Variants in PKHD1 observed in about 807,000 individuals in gnomAD.
PKHD1 encodes fibrocystin.
In PKHD1, 291 loss-of-function variants were observed where a neutral mutation model predicts 412.0. The ratio of observed to expected loss-of-function variants is 0.71; its 90% CI spans 0.64 to 0.78. The LOEUF is 0.78. Ranked by LOEUF, PKHD1 falls within the 30% of genes least tolerant of loss-of-function variation. PKHD1 has a pLI of 0.00. For synonymous variants in PKHD1, 1,777 were observed against 1,821.5 expected (o/e 0.98, Z 0.62); for missense variants, 4,825 against 4,950.7 (o/e 0.97, Z 0.76).
intron 18 of PKHD1, 95 bp from the exon 19 acceptor site, chr6:52,055,824 A>C: frequency 1.7e-5 from 22 of 1,322,768 alleles, no homozygotes; most frequent in Non-Finnish European, 2.1e-5. Flanking sequence ...AGAGTATCTC[A>C]CTTAAGAAAA....
intron 63 of PKHD1, among the ~76,000 whole-genome samples, chr6:51,645,429 G>C (rs1240775757): frequency 2.0e-5 from 3 of 152,028 alleles, no homozygotes; most frequent in Non-Finnish European, 4.4e-5. Context: ...GTCTTGCTCT[G>C]TCACCCAGGC....
chr6:51,771,526 G>A (rs11757437), intron 55 of PKHD1, among the ~76,000 whole-genome samples: 6,176 of 151,844 alleles, frequency 0.041, 166 homozygotes, highest in Middle Eastern at 0.075. Flanking sequence ...GGCTGAGACA[G>A]GAAAATCACT....
intron 36 of PKHD1, among the ~76,000 whole-genome samples, chr6:51,947,153 T>G (rs183543384): frequency 6.6e-6 from 1 of 152,200 alleles, no homozygotes; most frequent in African/African-American, 2.4e-5. Context: ...GGCAACCACA[T>G]TGGTGAATCT....
chr6:51,820,915 T>A (rs1384644393), intron 52 of PKHD1, among the ~76,000 whole-genome samples: 1 of 152,190 alleles, frequency 6.6e-6, no homozygotes, highest in Non-Finnish European at 1.5e-5. Flanking sequence ...TATTTAATTT[T>A]ACATTCCAAA....
intron 65 of PKHD1, among the ~76,000 whole-genome samples, chr6:51,630,427 A>C (rs558702957): frequency 1.3e-5 from 2 of 152,186 alleles, no homozygotes; most frequent in African/African-American, 4.8e-5. Context: ...TTTTCACTAC[A>C]TATTTTTTGA....
chr6:51,693,028 T>C (rs1778364928), intron 60 of PKHD1, among the ~76,000 whole-genome samples: 1 of 152,228 alleles, frequency 6.6e-6, no homozygotes, highest in South Asian at 2.1e-4. Flanking sequence ...GTATGTATTG[T>C]TGTTTTTTGC....
chr6:51,950,220 A>AATATATATATATATATATATATATAT (rs1333126139), intron 36 of PKHD1, among the ~76,000 whole-genome samples: 16 of 98,288 alleles, frequency 1.6e-4, no homozygotes, highest in South Asian at 8.3e-4. Flanking sequence ...GAAAAAAAAA[A>AATATATATATATATATATATATATAT]ATATATATAT....
At chr6:51,794,786 C>T (rs1206950417) in intron 52 of PKHD1, among the ~76,000 whole-genome samples, 2 of 152,120 alleles carry the variant, frequency 1.3e-5, no homozygotes, top group Non-Finnish European at 1.5e-5. Flanking sequence ...ATATTCTTCC[C>T]CCACTGCTTG....
At chr6:51,823,434 G>C (rs1766791444) in intron 52 of PKHD1, among the ~76,000 whole-genome samples, 1 of 152,122 alleles carries the variant, frequency 6.6e-6, no homozygotes, top group African/African-American at 2.4e-5. Flanking sequence ...TCTCAGGTGA[G>C]TGAAAACAAG....
At chr6:51,790,849 TTG>T (rs1354246075) in intron 53 of PKHD1, among the ~76,000 whole-genome samples, 4 of 152,210 alleles carry the variant, frequency 2.6e-5, no homozygotes, top group African/African-American at 7.2e-5. Context: ...TGAAATTTTA[TTG>T]TGAGTTAGTT....
intron 36 of PKHD1, among the ~76,000 whole-genome samples, chr6:51,939,561 CAGA>C (rs1282601668): frequency 6.6e-6 from 1 of 151,566 alleles, no homozygotes; most frequent in South Asian, 2.1e-4. Flanking sequence ...TCCAAATAGC[CAGA>C]AAACAGCATT....
Position 51,984,476 on chromosome 6 carries a change from C to T in PKHD1, c.5752-24450G>A, listed in dbSNP as rs116011036. Among the ~76,000 whole-genome samples the T allele has an allele frequency of 5.8e-3, 880 of 152,346 alleles. 12 individuals are homozygous for T. The highest frequency in any genetic ancestry group is 0.02 in the African/African-American group (815 of 41,580). ...ATACCCTGCTCTTGCACAAAATTTA[C>T]ATGTTGTCAGTTTCTACCTCTAAAA... is the stretch of plus-strand genomic sequence containing the variant. On this transcript the variant is annotated intron_variant, in intron 35 of 66. Transcript: ENST00000371117.
intron 52 of PKHD1, among the ~76,000 whole-genome samples, chr6:51,820,584 CTACT>C (rs1766232702): frequency 6.6e-6 from 1 of 151,996 alleles, no homozygotes; most frequent in South Asian, 2.1e-4. Context: ...TTTTATAATC[CTACT>C]TTATTTTATG....
intron 60 of PKHD1, among the ~76,000 whole-genome samples, chr6:51,683,973 C>A (rs1777070692): frequency 6.6e-6 from 1 of 152,054 alleles, no homozygotes; most frequent in Admixed American, 6.6e-5. Flanking sequence ...GCCTTATTCA[C>A]CTTTGCATAT....
chr6:51,887,761 C>A (rs985785950), intron 43 of PKHD1, among the ~76,000 whole-genome samples: 1 of 152,218 alleles, frequency 6.6e-6, no homozygotes, highest in Non-Finnish European at 1.5e-5. Context: ...GTATAGCCTG[C>A]AGAACCATGA....
rs1808407914 is a variant in PKHD1, at chr6:52,059,853, TA to T, written c.1233+74del. On this transcript the variant is annotated intron_variant, in intron 15 of 66. Coordinates refer to ENST00000371117, the MANE Select transcript of PKHD1 (RefSeq NM_138694.4). ...AACTATCTGTAAAACATGAGAGCCTTAACTTTGATTCTTTCTTTCTTCATGG... is the reference window on the plus strand; with the variant it reads ...AACTATCTGTAAAACATGAGAGCCTTACTTTGATTCTTTCTTTCTTCATGG... 3 of 798,040 alleles carry T rather than the reference TA, an allele frequency of 3.8e-6. No homozygotes were observed. In the South Asian group the frequency reaches 4.1e-5, roughly 11 times the overall value. The allele number at this position is 798,040 out of a possible 1,614,324, so 49.4% of individuals were successfully genotyped here.
At position 52,048,566 on chromosome 6, in the gene PKHD1, G is replaced by T. The variant is rs1211929629; in HGVS notation, c.2333C>A (p.Thr778Lys). The T allele has an allele frequency of 1.2e-6, 2 of 1,613,932 alleles. No homozygotes were observed. Among genetic ancestry groups the T allele is most frequent in the African/African-American group, 2.7e-5 (2 of 74,920 alleles). ...TGGACTTGTCCGCTGTCGTCTCTGTGTCGTCACCAGGACCAGTCCAGATCC... is the reference window on the plus strand; with the variant it reads ...TGGACTTGTCCGCTGTCGTCTCTGTTTCGTCACCAGGACCAGTCCAGATCC... ...EEGSGLVLVTTQRRQRTSPPL... is the reference protein window; with the variant it reads ...EEGSGLVLVTKQRRQRTSPPL... Residue 778 changes from threonine to lysine, a missense_variant, in exon 23 of 67, where the codon ACA becomes AAA. By Grantham distance (78) the Thr-to-Lys change is moderately conservative. Coordinates refer to ENST00000371117, the MANE Select transcript of PKHD1 (RefSeq NM_138694.4).
At chr6:51,711,452 A>G (rs1311921728) in intron 60 of PKHD1, among the ~76,000 whole-genome samples, 1 of 152,206 alleles carries the variant, frequency 6.6e-6, no homozygotes, top group African/African-American at 2.4e-5. Flanking sequence ...GCTTTATGGA[A>G]CTAATATGCA....
intron 63 of PKHD1, among the ~76,000 whole-genome samples, chr6:51,641,609 C>T (rs1769358692): frequency 6.6e-6 from 1 of 152,094 alleles, no homozygotes; most frequent in Admixed American, 6.6e-5. Context: ...TTTATTGCAG[C>T]ACACTCACAA....
Sources: gnomAD v4.1 joint callset for allele counts (sites outside exome capture counted in the v4.1 genomes callset) on GRCh38, gnomAD v4.1.1 for gene constraint, MANE v1.5 for transcripts, NCBI Gene and HGNC (gene_info 2026-07-23, HGNC 2026-07-21) for gene names.